ANP32A: variants seen among roughly 807,000 people sequenced by gnomAD.
ANP32A encodes acidic leucine-rich nuclear phosphoprotein 32 family member A.
Under a neutral mutation model 33.9 loss-of-function variants are expected in ANP32A, and 1 was observed. The observed-to-expected ratio is 0.03, with a 90% CI of 0.01 to 0.14. The LOEUF (loss-of-function observed/expected upper bound fraction) is 0.14, where lower values mean the gene tolerates loss of function less well. Ranked by LOEUF, ANP32A falls within the 10% of genes least tolerant of loss-of-function variation. The probability of loss-of-function intolerance (pLI) is 1.00; values close to 1 mark genes in which losing one functional copy is unlikely to be tolerated. For synonymous variants in ANP32A, 115 were observed against 120.5 expected (o/e 0.95, Z 0.30); for missense variants, 155 against 306.0 (o/e 0.51, Z 3.68).
intron 5 of ANP32A, chr15:68,781,340 TAAAAAAC>T (rs998760965): frequency 2.1e-4 from 32 of 151,930 alleles, no homozygotes; most frequent in South Asian, 1.7e-3. Flanking sequence ...TGAGATTATT[TAAAAAAC>T]AAAAAACAAA....
In ANP32A at chr15:68,782,987, C is replaced by T; in HGVS notation, c.593G>A (p.Gly198Asp). Residue 198 changes from glycine to aspartate, a missense_variant, in exon 5 of 7, where the codon GGT (glycine) becomes GAT (aspartate). By Grantham distance (94) the Gly-to-Asp change is moderately conservative. Transcript: ENST00000465139. ...DEEDEDEEEE[G>D]EEEDVSGEEE... ...CTCTCCACTCACGTCCTCCTCTTCA[C>T]CTTCCTCCTCCTCATCCTCGTCCTC... 2 of 1,551,592 alleles carry T rather than the reference C, an allele frequency of 1.3e-6. No individual in the cohort carries two copies. The highest frequency in any genetic ancestry group is 1.7e-4 in the Middle Eastern group (1 of 5,992).
At chr15:68,812,941 C>CT (rs1369256911) in intron 1 of ANP32A, 1 of 152,240 alleles carries the variant, frequency 6.6e-6, no homozygotes, top group African/African-American at 2.4e-5. Flanking sequence ...ACTTGTCCAA[C>CT]TTACTTAATA....
intron 1 of ANP32A, among the ~76,000 whole-genome samples, chr15:68,799,892 T>C (rs1027073886): frequency 1.3e-5 from 2 of 152,216 alleles, no homozygotes; most frequent in African/African-American, 2.4e-5. Flanking sequence ...AGGAATGTCA[T>C]GTACGTTTAT....
intron 1 of ANP32A, chr15:68,790,194 G>T (rs1893982047): frequency 6.6e-6 from 1 of 152,262 alleles, no homozygotes. Context: ...GCAAATATGA[G>T]AAGAGATTCC....
chr15:68,797,594 C>T lies in ANP32A; in HGVS notation c.55-9675G>A, dbSNP rs1010777045. Reference sequence around the variant, plus strand: ...ATTCCCAGACCCCCACCCATCAGTGCTCCCTGGCAAAACCCCTGTGCTTCC... The same window carrying T: ...ATTCCCAGACCCCCACCCATCAGTGTTCCCTGGCAAAACCCCTGTGCTTCC... On this transcript the variant is annotated intron_variant, in intron 1 of 6. Transcript: ENST00000465139. Among the ~76,000 whole-genome samples the T allele has an allele frequency of 5.9e-5, 9 of 152,336 alleles. No individual in the cohort carries two copies. The East Asian group carries it at 1.3e-3, about 23-fold the overall frequency.
chr15:68,797,719 A>G (rs1894081931), intron 1 of ANP32A, among the ~76,000 whole-genome samples: 1 of 152,140 alleles, frequency 6.6e-6, no homozygotes, highest in African/African-American at 2.4e-5. Context: ...CTCCCCTCAT[A>G]GACAATGGAA....
chr15:68,783,480 T>C (rs1273142591), intron 4 of ANP32A, among the ~76,000 whole-genome samples: 3 of 152,218 alleles, frequency 2.0e-5, no homozygotes, highest in Non-Finnish European at 4.4e-5. Flanking sequence ...CTAGGGGACC[T>C]GGTCCCGGGA....
intron 1 of ANP32A, among the ~76,000 whole-genome samples, chr15:68,811,901 T>A (rs1357782004): frequency 4.2e-5 from 1 of 23,632 alleles, no homozygotes; most frequent in Non-Finnish European, 2.5e-4. Flanking sequence ...GACACCCGGC[T>A]GATTTTTTTT....
chr15:68,802,615 C>T (rs1894152061), intron 1 of ANP32A, among the ~76,000 whole-genome samples: 1 of 152,186 alleles, frequency 6.6e-6, no homozygotes, highest in Non-Finnish European at 1.5e-5. Flanking sequence ...CCATTTCTGA[C>T]CTACAGGGTG....
intron 1 of ANP32A, among the ~76,000 whole-genome samples, chr15:68,807,432 G>C (rs796947759): frequency 4.0e-5 from 6 of 148,608 alleles, no homozygotes; most frequent in Admixed American, 2.0e-4. Context: ...GAAAACGGGG[G>C]GGGGGGAGTC....
chr15:68,800,533 A>G (rs1302271602), intron 1 of ANP32A, among the ~76,000 whole-genome samples: 1 of 150,910 alleles, frequency 6.6e-6, no homozygotes. Context: ...TCATGAGGTC[A>G]GGAGATCAAG....
At chr15:68,812,661 G>A (rs1190848780) in intron 1 of ANP32A, among the ~76,000 whole-genome samples, 4 of 152,116 alleles carry the variant, frequency 2.6e-5, no homozygotes, top group Admixed American at 2.6e-4. Flanking sequence ...TCTTTTAATG[G>A]CTTTCAAACA....
At chr15:68,786,075 G>A (rs1035892015) in intron 3 of ANP32A, among the ~76,000 whole-genome samples, 12 of 152,034 alleles carry the variant, frequency 7.9e-5, no homozygotes, top group East Asian at 1.9e-4. Flanking sequence ...AGCAAGTCCC[G>A]TGAGCATCCA....
intron 1 of ANP32A, among the ~76,000 whole-genome samples, chr15:68,805,738 T>C (rs1171799044): frequency 6.6e-6 from 1 of 152,194 alleles, no homozygotes; most frequent in African/African-American, 2.4e-5. Context: ...TGTAAGGCAC[T>C]TGAGTGCTCA....
chr15:68,782,826 C>T (rs1893886231), intron 5 of ANP32A, 130 bp downstream of exon 5: 1 of 1,442,184 alleles, frequency 6.9e-7, no homozygotes, highest in South Asian at 1.4e-5. Context: ...GAAATGGACT[C>T]ACTTCACTAC....
rs565502484 is a variant in ANP32A at position 68,818,686 on chromosome 15, G to A, written c.54+2012C>T. On this transcript the variant is annotated intron_variant, in intron 1 of 6. Transcript: ENST00000465139. ...CCCGCTTTCCTGCTTGCTCCCGGGG[G>A]GCCGGCAGCGTCGGTCGGGTTCGCC... Among the ~76,000 whole-genome samples, 25 of 152,190 alleles carry A rather than the reference G, an allele frequency of 1.6e-4. No individual in the cohort carries two copies. The South Asian group carries it at 4.6e-3, about 28-fold the overall frequency.
intron 1 of ANP32A, chr15:68,818,157 CCA>C (rs1894414440): frequency 6.2e-6 from 1 of 161,428 alleles, no homozygotes; most frequent in Admixed American, 6.5e-5. Context: ...GCGCCCCGCG[CCA>C]CATGGAGCCC....
At chr15:68,788,051 C>T in intron 1 of ANP32A, 132 bp from the exon 2 acceptor site, 1 of 1,148,336 alleles carries the variant, frequency 8.7e-7, no homozygotes, top group Non-Finnish European at 1.3e-6. Flanking sequence ...CTTCTTCTAG[C>T]TTTCCGGATC....
intron 1 of ANP32A, among the ~76,000 whole-genome samples, chr15:68,812,246 C>A (rs1894322949): frequency 6.6e-6 from 1 of 152,194 alleles, no homozygotes; most frequent in South Asian, 2.1e-4. Context: ...GCAGGACATA[C>A]CCCCACGCAG....
Sources: gnomAD v4.1 joint callset for allele counts (sites outside exome capture counted in the v4.1 genomes callset) on GRCh38, gnomAD v4.1.1 for gene constraint, MANE v1.5 for transcripts, NCBI Gene and HGNC (gene_info 2026-07-23, HGNC 2026-07-21) for gene names.